The following FANCE variants were observed in gnomAD, a reference collection of about 807,000 sequenced individuals.
FANCE encodes Fanconi anemia group E protein.
Under a neutral mutation model 57.8 loss-of-function variants are expected in FANCE, and 42 were observed. The ratio of observed to expected loss-of-function variants is 0.73; its 90% CI spans 0.57 to 0.94. FANCE has a LOEUF of 0.94. FANCE is among the 40% of genes least tolerant of loss of function. FANCE has a pLI of 0.00. For missense variants in FANCE, 608 were observed against 661.8 expected, an observed-to-expected ratio of 0.92 and a Z score of 0.89; for synonymous variants, 251 against 286.4, an observed-to-expected ratio of 0.88 and a Z score of 1.25.
Position 35,458,358 on chromosome 6 carries a change from T to C in FANCE, c.1031T>C (p.Leu344Pro). The C allele has an allele frequency of 6.2e-7, 1 of 1,614,198 alleles. No homozygotes were observed. The highest frequency in any genetic ancestry group is 8.5e-7 in the Non-Finnish European group (1 of 1,180,034). ...CTCTCAGACCTCGGTCTCCTGCGGC[T>C]CTGCACCTGGCTGCTGGCCCTTTCA... ...PQLSDLGLLR[L>P]CTWLLALSPD... Residue 344 changes from leucine to proline, a missense_variant, in exon 5 of 10, where the codon CTC becomes CCC. Transcript: ENST00000229769.
At chr6:35,463,423 C>T (rs1767672153) in intron 9 of FANCE, among the ~76,000 whole-genome samples, 1 of 152,176 alleles carries the variant, frequency 6.6e-6, no homozygotes, top group Non-Finnish European at 1.5e-5. Flanking sequence ...TTCTTTAGGC[C>T]AGATGCTGTG....
chr6:35,466,469 T>G lies in FANCE; in HGVS notation c.*124T>G. On this transcript the variant is annotated 3_prime_UTR_variant, in exon 10 of 10. Coordinates refer to ENST00000229769, the MANE Select transcript of FANCE (RefSeq NM_021922.3). ...AAGGCTGAGCCTGGCCATCCCAGAT[T>G]GCAACTGCCTCCCTGTTACAGGCTG... The G allele has an allele frequency of 1.4e-6, 1 of 740,648 alleles. No individual in the cohort carries two copies. The highest frequency in any genetic ancestry group is 2.5e-6 in the Non-Finnish European group (1 of 407,534). The allele number at this position is 740,648 out of a possible 1,614,324, so 45.9% of individuals were successfully genotyped here.
chr6:35,458,014 G>C lies in FANCE; in HGVS notation c.969+30G>C, dbSNP rs1224110635. ...GTCCAGATGACTGCCTGGCTCTGAG[G>C]TTACATTCTCTGTCCCTTATCTTTT... On this transcript the variant is annotated intron_variant, in intron 4 of 9. Coordinates refer to ENST00000229769, the MANE Select transcript of FANCE (RefSeq NM_021922.3). The C allele has an allele frequency of 1.9e-6, 3 of 1,586,464 alleles. No homozygotes were observed. The African/African-American group carries it at 4.0e-5, about 21-fold the overall frequency.
chr6:35,462,110 A>ATTATT (rs1561794040), intron 8 of FANCE, among the ~76,000 whole-genome samples: 6 of 115,762 alleles, frequency 5.2e-5, no homozygotes, highest in South Asian at 2.8e-4. Flanking sequence ...TAATAATAAT[A>ATTATT]ATTATTATTT....
Position 35,459,731 on chromosome 6 carries a change from G to T in FANCE, c.1287G>T (p.Leu429=), listed in dbSNP as rs1767510820. The T allele has an allele frequency of 6.2e-7, 1 of 1,614,044 alleles. No individual in the cohort carries two copies. Among genetic ancestry groups the T allele is most frequent in the African/African-American group, 1.3e-5 (1 of 74,914 alleles). The change falls in exon 7 of 10, where the codon CTG becomes CTT. Residue 429 remains leucine (L), a synonymous_variant. Coordinates refer to ENST00000229769, the MANE Select transcript of FANCE (RefSeq NM_021922.3). ...GTTGCCTTGTGAAGATGGAGTCCCTGGAGCCAGATGCACAGGTTCTAATGC... is the reference window on the plus strand; with the variant it reads ...GTTGCCTTGTGAAGATGGAGTCCCTTGAGCCAGATGCACAGGTTCTAATGC... ...LLCCLVKMES[L]EPDAQVLMLG... is the part of the protein sequence containing the mutation.
intron 8 of FANCE, 62 bp downstream of exon 8, chr6:35,460,680 G>T: frequency 4.8e-6 from 7 of 1,466,298 alleles, no homozygotes; most frequent in South Asian, 1.1e-5. Context: ...GAAGCACACG[G>T]GGTTCCTGGG....
At chr6:35,459,295 GAA>G (rs1302575964) in intron 5 of FANCE, 34 bp from the exon 6 acceptor site, 1 of 1,612,684 alleles carries the variant, frequency 6.2e-7, no homozygotes, top group African/African-American at 1.3e-5. Context: ...AAATGAAGAA[GAA>G]AATAATTAAT....
intron 8 of FANCE, 67 bp from the exon 9 acceptor site, chr6:35,462,722 C>CCG: frequency 6.2e-7 from 1 of 1,608,654 alleles, no homozygotes; most frequent in South Asian, 1.1e-5. Context: ...GAATTGAATC[C>CCG]AGGACTGGCT....
chr6:35,466,343 T>C lies in FANCE; in HGVS notation c.1609T>C (p.Ter537ArgextTer27), dbSNP rs779105134. The stretch of plus-strand genomic sequence containing the variant: ...GGCCGCCTTGAAACATTTGGGCCCC[T>C]GACCATCCACCAAGGGACCACCCTC... Reference protein sequence around the residue: ...LKAALKHLGP* With the variant: ...LKAALKHLGPR Residue 537 changes from the stop codon to arginine, a stop_lost, in exon 10 of 10, where the codon TGA becomes CGA. Coordinates refer to ENST00000229769, the MANE Select transcript of FANCE (RefSeq NM_021922.3). 6.3e-7 allele frequency: 1 copy of C among 1,580,950 alleles called. No individual in the cohort carries two copies. The highest frequency in any genetic ancestry group is 8.7e-7 in the Non-Finnish European group (1 of 1,149,942).
At position 35,466,194 on chromosome 6, in the gene FANCE, C is replaced by CG. The variant is rs1363845748; in HGVS notation, c.1510-47dup. Reference sequence around the variant, plus strand: ...TAGAGCCCCTGGGGTAGTCGGGAGACGGGAGGGATCAGTTGCTGGAGTCCT... The same window carrying CG: ...TAGAGCCCCTGGGGTAGTCGGGAGACGGGGAGGGATCAGTTGCTGGAGTCCT... On this transcript the variant is annotated intron_variant, in intron 9 of 9. Transcript: ENST00000229769. The CG allele has an allele frequency of 3.3e-5, 39 of 1,190,854 alleles. No individual in the cohort carries two copies. The Admixed American group carries it at 5.9e-4, about 18-fold the overall frequency. The allele number at this position is 1,190,854 out of a possible 1,614,324, so 73.8% of individuals were successfully genotyped here. A position where few individuals can be genotyped will look rare whatever the true frequency, so the allele number is the denominator to read the frequency against.
Position 35,455,912 on chromosome 6 carries a change from A to G in FANCE, c.414A>G (p.Glu138=). 1 of 1,614,104 alleles carries G rather than the reference A, an allele frequency of 6.2e-7. No homozygotes were observed. Among genetic ancestry groups the G allele is most frequent in the East Asian group, 2.2e-5 (1 of 44,868 alleles). Residue 138 remains glutamate, a synonymous_variant, in exon 2 of 10, where the codon GAA becomes GAG. Transcript: ENST00000229769. The part of the protein sequence containing the change: ...DPDAWLRALG[E]LLRRDLGVGT... ...ATGCCTGGCTCCGTGCCCTGGGGGA[A>G]TTGCTGCGAAGGGATTTGGGGGTGG...
In FANCE at chr6:35,457,590, C is replaced by T. The variant is rs1416996673; in HGVS notation, c.890C>T (p.Thr297Ile). Reference sequence around the variant, plus strand: ...CCCAGGCTGCAGCAGCTGCTGAAGACCTTGGAGGAGGTGACTGGCCCCACA... The same window carrying T: ...CCCAGGCTGCAGCAGCTGCTGAAGATCTTGGAGGAGGTGACTGGCCCCACA... ...QLPRLQQLLK[T>I]LEEGLEGLED... Residue 297 changes from threonine to isoleucine, a missense_variant, in exon 3 of 10, where the codon ACC (threonine) becomes ATC (isoleucine). Physicochemically the swap from Thr to Ile is moderately conservative, Grantham distance 89. Transcript: ENST00000229769. 1.9e-6 allele frequency: 3 copies of T among 1,613,904 alleles called. No homozygotes were observed. The highest frequency in any genetic ancestry group is 3.3e-5 in the Admixed American group (2 of 60,012).
chr6:35,452,850 A>G (rs1581696763), intron 1 of FANCE, 57 bp downstream of exon 1: 2 of 1,271,188 alleles, frequency 1.6e-6, no homozygotes, highest in East Asian at 3.1e-5. Flanking sequence ...CTGTCGGGGG[A>G]ACGACACACA....
chr6:35,466,445 AGGCTGAGCCT>A lies in FANCE; in HGVS notation c.*104_*113del, dbSNP rs944328005. ...GTCTTGAGCCCTAGCCTGAGGATAA[AGGCTGAGCCT>A]GGCCATCCCAGATTGCAACTGCCTC... is the stretch of plus-strand genomic sequence containing the variant. On this transcript the variant is annotated 3_prime_UTR_variant, in exon 10 of 10. Coordinates refer to ENST00000229769, the MANE Select transcript of FANCE (RefSeq NM_021922.3). The A allele has an allele frequency of 8.3e-6, 7 of 848,038 alleles. No individual in the cohort carries two copies. The highest frequency in any genetic ancestry group is 1.7e-5 in the African/African-American group (1 of 60,168). The allele number at this position is 848,038 out of a possible 1,614,324, so 52.5% of individuals were successfully genotyped here. A position where few individuals can be genotyped will look rare whatever the true frequency, so the allele number is the denominator to read the frequency against.
At position 35,466,677 on chromosome 6, in the gene FANCE, A is replaced by G. The variant is rs953881591; in HGVS notation, c.*332A>G. The stretch of plus-strand genomic sequence containing the variant: ...TCTGCCTCCCAGGCTCGATCCTCCC[A>G]TGTCAGCCTCCCAAGTAGCTGGGAC... On this transcript the variant is annotated 3_prime_UTR_variant, in exon 10 of 10. Transcript: ENST00000229769. 9 of 420,772 alleles carry G rather than the reference A, an allele frequency of 2.1e-5. No individual in the cohort carries two copies. The Admixed American group carries it at 3.5e-4, about 16-fold the overall frequency. The allele number at this position is 420,772 out of a possible 1,614,324, so 26.1% of individuals were successfully genotyped here. A position where few individuals can be genotyped will look rare whatever the true frequency, so the allele number is the denominator to read the frequency against.
At position 35,457,553 on chromosome 6, in the gene FANCE, C is replaced by T. The variant is rs749111562; in HGVS notation, c.856-3C>T. ...GTAGCAGTGACTGGGCTCTCCTCCACAGGACCAGCTTCCCAGGCTGCAGCA... is the reference window on the plus strand; with the variant it reads ...GTAGCAGTGACTGGGCTCTCCTCCATAGGACCAGCTTCCCAGGCTGCAGCA... On this transcript the variant is annotated splice_polypyrimidine_tract_variant and splice_region_variant and intron_variant, in intron 2 of 9. Coordinates refer to ENST00000229769, the MANE Select transcript of FANCE (RefSeq NM_021922.3). 6.2e-6 allele frequency: 10 copies of T among 1,613,818 alleles called. No homozygotes were observed. In the Admixed American group the frequency reaches 1.7e-4, roughly 27 times the overall value.
intron 8 of FANCE, among the ~76,000 whole-genome samples, chr6:35,462,362 C>T (rs1767627204): frequency 6.6e-6 from 1 of 152,042 alleles, no homozygotes; most frequent in South Asian, 2.1e-4. Context: ...CCGCCTTGGC[C>T]TCTCAAAGTG....
chr6:35,465,428 C>T (rs1466995294), intron 9 of FANCE, among the ~76,000 whole-genome samples: 4 of 152,134 alleles, frequency 2.6e-5, no homozygotes, highest in African/African-American at 9.7e-5. Flanking sequence ...CCACCTGCCT[C>T]GGCCTCCCAA....
intron 9 of FANCE, 71 bp from the exon 10 acceptor site, chr6:35,466,173 G>T: frequency 2.1e-6 from 2 of 949,606 alleles, no homozygotes; most frequent in Non-Finnish European, 3.5e-6. Context: ...CCTCAATAGA[G>T]CCCCTGGGGT....
Sources: gnomAD v4.1 joint callset for allele counts (sites outside exome capture counted in the v4.1 genomes callset) on GRCh38, gnomAD v4.1.1 for gene constraint, MANE v1.5 for transcripts, NCBI Gene and HGNC (gene_info 2026-07-23, HGNC 2026-07-21) for gene names.